Variants in TRPM3 observed in about 807,000 individuals in gnomAD.
TRPM3 encodes the protein long transient receptor potential channel 3.
In TRPM3, 77 loss-of-function variants were observed where a neutral mutation model predicts 181.2. That is an observed-to-expected ratio of 0.42 (90% CI 0.35 to 0.51). The LOEUF (loss-of-function observed/expected upper bound fraction) is 0.51. Ranked by LOEUF, TRPM3 falls within the 20% of genes least tolerant of loss-of-function variation. TRPM3 has a pLI of 0.01. For synonymous variants in TRPM3, 745 were observed against 796.4 expected (o/e 0.94, Z 1.09); for missense variants, 1,759 against 2,196.7 (o/e 0.80, Z 3.98).
chr9:71,302,975 G>A (rs1447377342), intron 1 of TRPM3, among the ~76,000 whole-genome samples: 2 of 152,114 alleles, frequency 1.3e-5, no homozygotes, highest in East Asian at 1.9e-4. Context: ...TGTGTGCAGA[G>A]TTTCGGAACT....
At chr9:70,787,763 C>CTTTTTTTTTA (rs2084043653) in intron 6 of TRPM3, among the ~76,000 whole-genome samples, 1 of 68,558 alleles carries the variant, frequency 1.5e-5, no homozygotes, top group Non-Finnish European at 2.6e-5. Flanking sequence ...TTTTTGGATT[C>CTTTTTTTTTA]TTTTTTTTTT....
chr9:70,857,834 C>A lies in TRPM3; in HGVS notation c.462+5074G>T, dbSNP rs1458776029. The stretch of plus-strand genomic sequence containing the variant: ...GTCTATGCCAGACCAATGAATGAGA[C>A]TCTCTTGGAAGTAAACCTTGGACAT... On this transcript the variant is annotated intron_variant, in intron 3 of 25. Transcript: ENST00000677713. Among the ~76,000 whole-genome samples the A allele has an allele frequency of 1.2e-4, 19 of 152,144 alleles. 1 individual carries two copies. Among genetic ancestry groups the A allele is most frequent in the Non-Finnish European group, 1.5e-5 (1 of 68,030 alleles).
intron 1 of TRPM3, among the ~76,000 whole-genome samples, chr9:71,113,832 C>T (rs115290872): frequency 0.014 from 2,085 of 152,262 alleles, 38 homozygotes; most frequent in African/African-American, 0.048. Flanking sequence ...GCCAACATCT[C>T]TTTACTAAAG....
At chr9:70,926,596 G>A (rs72729790) in intron 1 of TRPM3, among the ~76,000 whole-genome samples, 1 of 152,230 alleles carries the variant, frequency 6.6e-6, no homozygotes, top group Non-Finnish European at 1.5e-5. Flanking sequence ...GTGCTTCAAA[G>A]AAATATAATT....
intron 1 of TRPM3, among the ~76,000 whole-genome samples, chr9:71,055,460 A>G (rs2060554672): frequency 6.6e-6 from 1 of 152,066 alleles, no homozygotes; most frequent in Non-Finnish European, 1.5e-5. Flanking sequence ...AGAGGGCAAA[A>G]ACAAGGTGTC....
At chr9:71,208,631 T>G (rs1283733043) in intron 1 of TRPM3, among the ~76,000 whole-genome samples, 1 of 152,154 alleles carries the variant, frequency 6.6e-6, no homozygotes, top group Admixed American at 6.5e-5. Context: ...AATATCCTAC[T>G]TGCATTAATG....
At chr9:70,606,836 T>TATC (rs1554776098) in intron 19 of TRPM3, among the ~76,000 whole-genome samples, 2 of 151,960 alleles carry the variant, frequency 1.3e-5, no homozygotes, top group African/African-American at 4.8e-5. Flanking sequence ...TTAAACTAAC[T>TATC]ATCAAACACA....
At chr9:71,320,936 C>T (rs1565459354) in intron 1 of TRPM3, among the ~76,000 whole-genome samples, 1 of 152,024 alleles carries the variant, frequency 6.6e-6, no homozygotes, top group African/African-American at 2.4e-5. Flanking sequence ...TCCTTGACAT[C>T]GCTCTCTCCC....
chr9:71,232,174 A>G (rs147831487), intron 1 of TRPM3, among the ~76,000 whole-genome samples: 194 of 152,250 alleles, frequency 1.3e-3, no homozygotes, highest in Admixed American at 5.5e-3. Context: ...AGAAAAGGAT[A>G]TAGCAACTAG....
At chr9:71,060,274 GAA>G (rs1372450853) in intron 1 of TRPM3, among the ~76,000 whole-genome samples, 1 of 152,050 alleles carries the variant, frequency 6.6e-6, no homozygotes, top group Non-Finnish European at 1.5e-5. Flanking sequence ...TGGGTGAGAG[GAA>G]AGACAGTGTA....
intron 11 of TRPM3, among the ~76,000 whole-genome samples, chr9:70,635,812 C>T (rs2057092390): frequency 1.3e-5 from 2 of 152,038 alleles, no homozygotes; most frequent in Admixed American, 6.6e-5. Context: ...ATTGTATTTC[C>T]TCAAGCAAAT....
At chr9:70,582,227 A>G (rs944482807) in intron 22 of TRPM3, among the ~76,000 whole-genome samples, 2 of 150,976 alleles carry the variant, frequency 1.3e-5, no homozygotes, top group African/African-American at 4.9e-5. Flanking sequence ...ATCCATGATC[A>G]CTACATTTAA....
chr9:70,960,994 A>G (rs1196456272), intron 1 of TRPM3, among the ~76,000 whole-genome samples: 2 of 152,180 alleles, frequency 1.3e-5, no homozygotes, highest in Non-Finnish European at 2.9e-5. Flanking sequence ...GTCCACACCT[A>G]TCTTAATCCC....
At chr9:71,373,407 A>G (rs949199054) in intron 1 of TRPM3, among the ~76,000 whole-genome samples, 14 of 151,938 alleles carry the variant, frequency 9.2e-5, no homozygotes, top group African/African-American at 2.4e-4. Context: ...CATGAGAGAG[A>G]AGAATCAAAT....
At chr9:70,789,699 A>G (rs566919086) in intron 6 of TRPM3, among the ~76,000 whole-genome samples, 1 of 152,208 alleles carries the variant, frequency 6.6e-6, no homozygotes, top group African/African-American at 2.4e-5. Context: ...GCAATTTTGG[A>G]ATAGGAAACA....
chr9:70,683,163 A>G (rs1025528688), intron 8 of TRPM3, among the ~76,000 whole-genome samples: 3 of 152,210 alleles, frequency 2.0e-5, no homozygotes, highest in Non-Finnish European at 4.4e-5. Flanking sequence ...AAGGTCAGAG[A>G]CTGGGATGAG....
At chr9:70,555,632 T>C (rs2047507624) in intron 22 of TRPM3, among the ~76,000 whole-genome samples, 1 of 152,250 alleles carries the variant, frequency 6.6e-6, no homozygotes, top group South Asian at 2.1e-4. Context: ...CCAGAAATCC[T>C]GCCCTCAGCT....
chr9:70,828,872 C>T (rs1437015974), intron 5 of TRPM3, among the ~76,000 whole-genome samples: 1 of 151,954 alleles, frequency 6.6e-6, no homozygotes, highest in African/African-American at 2.4e-5. Flanking sequence ...GAGAGTCTAC[C>T]ACACACACAA....
At chr9:71,396,768 C>G (rs1317941378) in intron 1 of TRPM3, among the ~76,000 whole-genome samples, 1 of 151,744 alleles carries the variant, frequency 6.6e-6, no homozygotes, top group Admixed American at 6.6e-5. Flanking sequence ...TGAGACCCAT[C>G]CTGGCTAACA....
Sources: gnomAD v4.1 joint callset for allele counts (sites outside exome capture counted in the v4.1 genomes callset) on GRCh38, gnomAD v4.1.1 for gene constraint, MANE v1.5 for transcripts, NCBI Gene and HGNC (gene_info 2026-07-23, HGNC 2026-07-21) for gene names.